The following FMO3 variants were observed in gnomAD, a reference collection of about 807,000 sequenced individuals.
FMO3 encodes flavin containing dimethylaniline monoxygenase 3.
Under a neutral mutation model 39.4 loss-of-function variants are expected in FMO3, and 40 were observed. That is an observed-to-expected ratio of 1.02 (90% CI 0.79 to 1.32). The LOEUF (loss-of-function observed/expected upper bound fraction) is 1.32. Ranked by LOEUF, FMO3 falls within the 40% of genes most tolerant of loss-of-function variation. The probability of loss-of-function intolerance (pLI) is 0.00; values close to 1 mark genes in which losing one functional copy is unlikely to be tolerated. For missense variants in FMO3, 680 were observed against 651.8 expected (o/e 1.04, Z -0.47); for synonymous variants, 219 against 228.8 (o/e 0.96, Z 0.39).
At position 171,108,191 on chromosome 1, in the gene FMO3, T is replaced by C. The variant is rs1411667661; in HGVS notation, c.597T>C (p.Ile199=). The change falls in exon 5 of 9, where the codon ATT becomes ATC. Residue 199 remains isoleucine, a synonymous_variant. Transcript: ENST00000367755. Reference sequence around the variant, plus strand: ...GCCTGGGGAATTCGGGCTGTGATATTGCCACAGAACTCAGCCGCACAGCAG... The same window carrying C: ...GCCTGGGGAATTCGGGCTGTGATATCGCCACAGAACTCAGCCGCACAGCAG... The part of the protein sequence containing the change: ...VVGLGNSGCD[I]ATELSRTAEQ... 6.2e-7 allele frequency: 1 copy of C among 1,613,908 alleles called. No homozygotes were observed. The highest frequency in any genetic ancestry group is 1.7e-5 in the Admixed American group (1 of 59,970).
At chr1:171,106,084 T>G (rs1337654224) in intron 3 of FMO3, among the ~76,000 whole-genome samples, 3 of 152,090 alleles carry the variant, frequency 2.0e-5, no homozygotes, top group Non-Finnish European at 4.4e-5. Context: ...TGTTAACATA[T>G]CAGACAGATT....
chr1:171,101,182 C>T (rs1485017083), intron 2 of FMO3: 2 of 456,234 alleles, frequency 4.4e-6, no homozygotes, highest in Admixed American at 4.7e-5. Flanking sequence ...TGGATTCTCT[C>T]CTGGAGCCTC....
intron 3 of FMO3, among the ~76,000 whole-genome samples, chr1:171,105,092 A>G (rs1655582563): frequency 6.6e-6 from 1 of 152,206 alleles, no homozygotes; most frequent in Admixed American, 6.5e-5. Flanking sequence ...AACTCACTCA[A>G]TAATAAGTAG....
chr1:171,104,760 G>A (rs948822832), intron 3 of FMO3, among the ~76,000 whole-genome samples: 1 of 152,144 alleles, frequency 6.6e-6, no homozygotes, highest in Non-Finnish European at 1.5e-5. Context: ...TGTGGTCCCA[G>A]CTACTAGGGA....
At chr1:171,102,373 TTG>T (rs1655437652) in intron 2 of FMO3, among the ~76,000 whole-genome samples, 4 of 152,180 alleles carry the variant, frequency 2.6e-5, no homozygotes, top group Non-Finnish European at 5.9e-5. Flanking sequence ...TATAAGTACC[TTG>T]ATGCTTCAAC....
At chr1:171,109,526 C>T (rs1453823532) in intron 5 of FMO3, among the ~76,000 whole-genome samples, 49 of 58,974 alleles carry the variant, frequency 8.3e-4, no homozygotes, top group African/African-American at 1.2e-3. Context: ...TTAGTCTCTT[C>T]TTTTTTTTTT....
chr1:171,096,110 T>G (rs1473074336), intron 2 of FMO3, among the ~76,000 whole-genome samples: 2 of 82,560 alleles, frequency 2.4e-5, no homozygotes, highest in South Asian at 7.9e-4. Context: ...TATAATTAAT[T>G]ATTATATATT....
Position 171,095,745 on chromosome 1 carries a change from T to TGA in FMO3, c.132+2955_132+2956insGA, listed in dbSNP as rs1553227858. ...GGTATGTTTCTTTTATATATATCTATAATAATATAAATATATATTTAATAT... is the reference window on the plus strand; with the variant it reads ...GGTATGTTTCTTTTATATATATCTATGAAATAATATAAATATATATTTAATAT... On this transcript the variant is annotated intron_variant, in intron 2 of 8. Transcript: ENST00000367755. 2.4e-5 allele frequency among the ~76,000 whole-genome samples: 3 copies of TGA among 125,294 alleles called. No homozygotes were observed. In the Admixed American group the frequency reaches 2.9e-4, roughly 12 times the overall value. 82.2% of individuals were successfully genotyped at this position (125,294 alleles called of 152,430 possible).
chr1:171,109,125 A>G (rs1287539838), intron 5 of FMO3, among the ~76,000 whole-genome samples: 1 of 152,192 alleles, frequency 6.6e-6, no homozygotes, highest in Non-Finnish European at 1.5e-5. Context: ...GCTTGTGGGA[A>G]GAAAGTAGTT....
rs28363554 is a variant in FMO3, at chr1:171,108,759, G to C, written c.627+538G>C. Reference sequence around the variant, plus strand: ...CACTGGGTTGGGTGCTGAAGACAGTGGTGAACATAACAGGCATGATCCCTG... The same window carrying C: ...CACTGGGTTGGGTGCTGAAGACAGTCGTGAACATAACAGGCATGATCCCTG... On this transcript the variant is annotated intron_variant, in intron 5 of 8. Transcript: ENST00000367755. Among the ~76,000 whole-genome samples the C allele has an allele frequency of 9.8e-3, 1,492 of 152,188 alleles. 21 individuals are homozygous for C. The highest frequency in any genetic ancestry group is 0.035 in the African/African-American group (1,433 of 41,534).
intron 2 of FMO3, among the ~76,000 whole-genome samples, chr1:171,094,207 G>A (rs1204717234): frequency 6.6e-6 from 1 of 151,862 alleles, no homozygotes; most frequent in Non-Finnish European, 1.5e-5. Context: ...ATTTTCTCTG[G>A]TAATTCGTGA....
chr1:171,111,163 C>T (rs1655892975), intron 6 of FMO3, among the ~76,000 whole-genome samples, 166 bp downstream of exon 6: 1 of 152,134 alleles, frequency 6.6e-6, no homozygotes, highest in Non-Finnish European at 1.5e-5. Context: ...TTGCAATCCT[C>T]CTTACTATAT....
At position 171,107,753 on chromosome 1, in the gene FMO3, A is replaced by G. The variant is rs2101913245; in HGVS notation, c.400A>G (p.Lys134Glu). 1 of 1,613,712 alleles carries G rather than the reference A, an allele frequency of 6.2e-7. No homozygotes were observed. Among genetic ancestry groups the G allele is most frequent in the Non-Finnish European group, 8.5e-7 (1 of 1,179,712 alleles). ...GGATGTTACCACTGAAAGGGATGGT[A>G]AAAAAGAATCGGCTGTCTTTGATGC... ...QWDVTTERDG[K>E]KESAVFDAVM... is the part of the protein sequence containing the mutation. The change falls in exon 4 of 9, where the codon AAA becomes GAA. Residue 134 changes from lysine to glutamate, a missense_variant. Lys to Glu is a moderately conservative substitution (Grantham distance 56). Coordinates refer to ENST00000367755, the MANE Select transcript of FMO3 (RefSeq NM_001002294.3).
intron 1 of FMO3, among the ~76,000 whole-genome samples, chr1:171,092,065 A>G (rs1052758537): frequency 1.3e-5 from 2 of 152,116 alleles, no homozygotes; most frequent in African/African-American, 4.8e-5. Context: ...AGTAAATGAC[A>G]AAGTCCAAAA....
intron 3 of FMO3, among the ~76,000 whole-genome samples, chr1:171,107,012 T>C (rs1655670143): frequency 6.6e-6 from 1 of 152,180 alleles, no homozygotes; most frequent in Non-Finnish European, 1.5e-5. Context: ...ATGTATGAAA[T>C]AGTACATAAT....
intron 2 of FMO3, among the ~76,000 whole-genome samples, chr1:171,094,770 CT>C (rs1189857811): frequency 7.9e-5 from 12 of 152,196 alleles, no homozygotes; most frequent in Non-Finnish European, 1.5e-4. Context: ...TTATTTCTGA[CT>C]TCTCTATTCT....
At chr1:171,106,216 C>T (rs1655630329) in intron 3 of FMO3, among the ~76,000 whole-genome samples, 1 of 151,570 alleles carries the variant, frequency 6.6e-6, no homozygotes. Flanking sequence ...TCTCGGCTCA[C>T]CATAACCTCC....
intron 1 of FMO3, among the ~76,000 whole-genome samples, 182 bp from the exon 2 acceptor site, chr1:171,092,471 T>G (rs373574986): frequency 5.3e-5 from 8 of 152,204 alleles, no homozygotes; most frequent in African/African-American, 1.9e-4. Flanking sequence ...GCTCAAGTGA[T>G]CCTCCCACCT....
At chr1:171,102,503 G>A (rs540746157) in intron 2 of FMO3, among the ~76,000 whole-genome samples, 22 of 152,262 alleles carry the variant, frequency 1.4e-4, no homozygotes, top group African/African-American at 5.3e-4. Flanking sequence ...TGTAACAGAT[G>A]TGTCCTATGG....
Sources: allele counts gnomAD v4.1 joint callset (sites outside exome capture counted in the v4.1 genomes callset), GRCh38; gene constraint gnomAD v4.1.1; transcripts MANE v1.5; gene names NCBI Gene and HGNC (gene_info 2026-07-23, HGNC 2026-07-21).